The following THSD7B variants were observed in gnomAD, a reference collection of about 807,000 sequenced individuals.
THSD7B encodes the protein thrombospondin type 1 domain containing 7B, also known as thrombospondin type-1 domain-containing protein 7B.
THSD7B carries 138 observed loss-of-function variants against 213.6 expected under a neutral mutation model. The ratio of observed to expected loss-of-function variants is 0.65; its 90% CI spans 0.56 to 0.74. The LOEUF (loss-of-function observed/expected upper bound fraction) is 0.74. Among genes scored for constraint, THSD7B ranks in the 30% least tolerant of loss-of-function variants. The pLI, the probability that THSD7B is intolerant of heterozygous loss-of-function variation, is 0.00. For synonymous variants in THSD7B, 742 were observed against 687.0 expected (o/e 1.08, Z -1.25); for missense variants, 1,931 against 1,991.5 (o/e 0.97, Z 0.58).
At chr2:137,407,433 GT>G (rs201315709) in intron 13 of THSD7B, among the ~76,000 whole-genome samples, 103 of 151,940 alleles carry the variant, frequency 6.8e-4, no homozygotes, top group African/African-American at 2.5e-3. Context: ...AAATACATGA[GT>G]TTTTTTAAAA....
chr2:137,067,297 A>C (rs1687400764), intron 3 of THSD7B, among the ~76,000 whole-genome samples: 1 of 152,060 alleles, frequency 6.6e-6, no homozygotes, highest in South Asian at 2.1e-4. Flanking sequence ...GAACGGGGGT[A>C]ATTAGACCTT....
intron 5 of THSD7B, among the ~76,000 whole-genome samples, chr2:137,137,461 A>AT (rs1161363442): frequency 6.6e-6 from 1 of 152,096 alleles, no homozygotes; most frequent in African/African-American, 2.4e-5. Context: ...TTAAGATTAC[A>AT]TTTTTTACTG....
intron 24 of THSD7B, among the ~76,000 whole-genome samples, chr2:137,657,904 G>A (rs1323691363): frequency 6.6e-6 from 1 of 152,008 alleles, no homozygotes; most frequent in Non-Finnish European, 1.5e-5. Flanking sequence ...GTACAGACAG[G>A]GTTTCACCAT....
intron 12 of THSD7B, among the ~76,000 whole-genome samples, chr2:137,374,514 A>G (rs550754145): frequency 2.8e-4 from 42 of 152,306 alleles, no homozygotes; most frequent in African/African-American, 9.4e-4. Context: ...CTTTATCGGT[A>G]AGTCCAATTA....
chr2:136,832,340 G>A (rs1376941079), intron 1 of THSD7B, among the ~76,000 whole-genome samples: 2 of 152,062 alleles, frequency 1.3e-5, no homozygotes, highest in East Asian at 3.9e-4. Flanking sequence ...GAGTTTGAAG[G>A]CCTGAGAACC....
At chr2:136,918,981 A>G (rs1180170610) in intron 2 of THSD7B, among the ~76,000 whole-genome samples, 1 of 152,144 alleles carries the variant, frequency 6.6e-6, no homozygotes, top group Non-Finnish European at 1.5e-5. Context: ...CTCTTCATGA[A>G]GGTGTTTATA....
chr2:137,147,671 TC>T (rs974467016), intron 5 of THSD7B, among the ~76,000 whole-genome samples: 1 of 152,108 alleles, frequency 6.6e-6, no homozygotes, highest in East Asian at 1.9e-4. Context: ...TACTTTTAGG[TC>T]AGGGTACCTA....
intron 2 of THSD7B, among the ~76,000 whole-genome samples, chr2:136,887,136 A>G (rs1683732241): frequency 6.6e-6 from 1 of 152,216 alleles, no homozygotes; most frequent in South Asian, 2.1e-4. Context: ...TATACAATTC[A>G]GTGATATTAG....
chr2:137,072,008 T>C (rs1055479762), intron 3 of THSD7B, among the ~76,000 whole-genome samples: 7 of 152,228 alleles, frequency 4.6e-5, no homozygotes, highest in African/African-American at 1.4e-4. Flanking sequence ...TTGGTTACTG[T>C]AGCCTTGTAG....
chr2:136,879,203 G>T (rs1183830480), intron 1 of THSD7B, among the ~76,000 whole-genome samples: 1 of 152,082 alleles, frequency 6.6e-6, no homozygotes, highest in Non-Finnish European at 1.5e-5. Flanking sequence ...TTTTTGTCAG[G>T]TTTGTCAAAG....
At chr2:137,600,458 C>G (rs1297759340) in intron 17 of THSD7B, among the ~76,000 whole-genome samples, 1 of 152,184 alleles carries the variant, frequency 6.6e-6, no homozygotes, top group Non-Finnish European at 1.5e-5. Context: ...TAACTACAGA[C>G]TGGATGTTAT....
intron 7 of THSD7B, among the ~76,000 whole-genome samples, chr2:137,225,998 G>A (rs1418030480): frequency 6.6e-6 from 1 of 151,662 alleles, no homozygotes; most frequent in Non-Finnish European, 1.5e-5. Context: ...TTGCTTTTGA[G>A]GACATAATAT....
chr2:137,356,185 G>A (rs1427999461), intron 12 of THSD7B, among the ~76,000 whole-genome samples: 1 of 152,078 alleles, frequency 6.6e-6, no homozygotes, highest in Non-Finnish European at 1.5e-5. Flanking sequence ...TAACAAATTT[G>A]CATATCTTTA....
intron 2 of THSD7B, among the ~76,000 whole-genome samples, chr2:136,913,984 C>A (rs530833173): frequency 1.3e-5 from 2 of 152,178 alleles, no homozygotes; most frequent in Admixed American, 1.3e-4. Flanking sequence ...CAGCTTGAAC[C>A]ATGCATCTGG....
At chr2:136,801,998 A>T (rs1573644487) in intron 1 of THSD7B, among the ~76,000 whole-genome samples, 1 of 152,272 alleles carries the variant, frequency 6.6e-6, no homozygotes, top group African/African-American at 2.4e-5. Context: ...AGTGGCTGTT[A>T]CAATAACACA....
At chr2:137,283,959 GT>G (rs1683102309) in intron 12 of THSD7B, among the ~76,000 whole-genome samples, 1 of 152,114 alleles carries the variant, frequency 6.6e-6, no homozygotes, top group Non-Finnish European at 1.5e-5. Context: ...GATTGGAATA[GT>G]TTCAGAAGGA....
intron 7 of THSD7B, among the ~76,000 whole-genome samples, chr2:137,194,109 G>A (rs1401458235): frequency 1.3e-5 from 2 of 152,142 alleles, no homozygotes; most frequent in African/African-American, 4.8e-5. Flanking sequence ...TAACAAGTAA[G>A]ACCACACAAA....
chr2:137,558,884 G>A (rs1195269223), intron 15 of THSD7B, among the ~76,000 whole-genome samples: 3 of 152,162 alleles, frequency 2.0e-5, no homozygotes, highest in South Asian at 2.1e-4. Context: ...TACAAAATCA[G>A]TGTGCAAAAA....
chr2:137,459,698 A>G (rs1334938260), intron 15 of THSD7B, among the ~76,000 whole-genome samples: 3 of 152,028 alleles, frequency 2.0e-5, no homozygotes, highest in African/African-American at 7.2e-5. Flanking sequence ...GATAAAAATA[A>G]TAATCTCTCT....
Sources: allele counts gnomAD v4.1 joint callset (sites outside exome capture counted in the v4.1 genomes callset), GRCh38; gene constraint gnomAD v4.1.1; transcripts MANE v1.5; gene names NCBI Gene and HGNC (gene_info 2026-07-23, HGNC 2026-07-21).